SAMD5: variants seen among roughly 807,000 people sequenced by gnomAD.
The protein encoded by SAMD5 is sterile alpha motif domain-containing protein 5.
Under a neutral mutation model 11.3 loss-of-function variants are expected in SAMD5, and 13 were observed. The observed-to-expected ratio is 1.15, with a 90% CI of 0.75 to 1.83. The LOEUF (loss-of-function observed/expected upper bound fraction) is 1.83, where lower values mean the gene tolerates loss of function less well. Among genes scored for constraint, SAMD5 ranks in the 40% most tolerant of loss-of-function variants. The pLI, the probability that SAMD5 is intolerant of heterozygous loss-of-function variation, is 0.00. For missense variants in SAMD5, 255 were observed against 239.1 expected, an observed-to-expected ratio of 1.07 and a Z score of -0.44; for synonymous variants, 129 against 111.3, an observed-to-expected ratio of 1.16 and a Z score of -1.00.
intron 1 of SAMD5, among the ~76,000 whole-genome samples, chr6:147,631,175 G>A (rs543137197): frequency 6.6e-6 from 1 of 152,300 alleles, no homozygotes; most frequent in Non-Finnish European, 1.5e-5. Context: ...TTGTTAGAAG[G>A]AGAATTTGTC....
chr6:147,800,585 G>A, the SAMD5 span, among the ~76,000 whole-genome samples: 1 of 152,344 alleles, frequency 6.6e-6, no homozygotes, highest in Non-Finnish European at 1.5e-5. Context: ...CTTGAGCTGT[G>A]GTGGGCTCCA....
chr6:147,717,361 A>T (rs967457798), intron 1 of SAMD5, among the ~76,000 whole-genome samples: 2 of 152,226 alleles, frequency 1.3e-5, no homozygotes, highest in Non-Finnish European at 2.9e-5. Flanking sequence ...CTAGTTGGAC[A>T]GTTCTGATTT....
intron 1 of SAMD5, among the ~76,000 whole-genome samples, chr6:147,705,728 A>G (rs10080373): frequency 0.082 from 12,524 of 152,252 alleles, 553 homozygotes; most frequent in Middle Eastern, 0.13. Context: ...TGAATTGCCT[A>G]GGTTTTGACA....
the SAMD5 span, among the ~76,000 whole-genome samples, chr6:147,888,338 C>T: frequency 4.3e-4 from 65 of 151,858 alleles, no homozygotes; most frequent in African/African-American, 1.5e-3. Flanking sequence ...GGAGTGCAGG[C>T]CTGATAGTGA....
chr6:147,664,254 C>CT (rs1354353868), intron 1 of SAMD5, among the ~76,000 whole-genome samples: 3 of 152,102 alleles, frequency 2.0e-5, no homozygotes, highest in Non-Finnish European at 4.4e-5. Context: ...CTTTCAGAGA[C>CT]TAAAAAATCT....
the SAMD5 span, among the ~76,000 whole-genome samples, chr6:147,852,423 T>C: frequency 2.0e-5 from 3 of 152,264 alleles, no homozygotes; most frequent in East Asian, 5.8e-4. Context: ...TTACGTGGTA[T>C]TTCCTGAGTA....
rs901444805 is a variant in SAMD5, at chr6:147,634,831, A to G, written c.163-102486A>G. Among the ~76,000 whole-genome samples, 4 of 152,314 alleles carry G rather than the reference A, an allele frequency of 2.6e-5. No individual in the cohort carries two copies. In the South Asian group the frequency reaches 6.2e-4, roughly 24 times the overall value. On this transcript the variant is annotated intron_variant, in intron 1 of 1. Transcript: ENST00000566741. ...GGCTTTGACAGAGTGAAGGTTGTTT[A>G]GGGAAGAGAGGAATGGGAAAGTGAG...
the SAMD5 span, among the ~76,000 whole-genome samples, chr6:147,867,410 C>T: frequency 2.7e-5 from 4 of 150,288 alleles, no homozygotes; most frequent in East Asian, 3.9e-4. Flanking sequence ...TCCTGTGAAA[C>T]CTTGGTGGAA....
At chr6:147,895,783 G>A in the SAMD5 span, among the ~76,000 whole-genome samples, 1 of 152,174 alleles carries the variant, frequency 6.6e-6, no homozygotes, top group African/African-American at 2.4e-5. Flanking sequence ...TGGCCTATAA[G>A]ATCCCTACAG....
chr6:147,773,677 A>G, the SAMD5 span, among the ~76,000 whole-genome samples: 1 of 152,136 alleles, frequency 6.6e-6, no homozygotes, highest in Admixed American at 6.6e-5. Flanking sequence ...AATCCCATTT[A>G]GGAAATCTCC....
At chr6:147,859,127 T>G in the SAMD5 span, among the ~76,000 whole-genome samples, 534 of 152,256 alleles carry the variant, frequency 3.5e-3, 4 homozygotes, top group African/African-American at 0.012. Context: ...AAAGCAATGT[T>G]TACTACCCTC....
At chr6:147,554,994 A>G (rs1040203404) in intron 1 of SAMD5, among the ~76,000 whole-genome samples, 2 of 152,222 alleles carry the variant, frequency 1.3e-5, no homozygotes, top group African/African-American at 4.8e-5. Context: ...CACAAAAGCA[A>G]CAGTGGATAA....
At chr6:147,919,505 T>C in the SAMD5 span, among the ~76,000 whole-genome samples, 1 of 152,222 alleles carries the variant, frequency 6.6e-6, no homozygotes, top group Admixed American at 6.5e-5. Context: ...GAATGAGATT[T>C]ATGACCCTGA....
chr6:147,685,047 G>A (rs562400536), intron 1 of SAMD5, among the ~76,000 whole-genome samples: 27 of 152,282 alleles, frequency 1.8e-4, no homozygotes, highest in African/African-American at 5.3e-4. Flanking sequence ...CCTTCTCATT[G>A]TGTAACTTAT....
At chr6:147,620,201 T>C (rs938893716) in intron 1 of SAMD5, among the ~76,000 whole-genome samples, 3 of 151,998 alleles carry the variant, frequency 2.0e-5, no homozygotes, top group Non-Finnish European at 2.9e-5. Flanking sequence ...CACCACCCAC[T>C]CTCCACGCCA....
the SAMD5 span, among the ~76,000 whole-genome samples, chr6:147,749,961 T>A: frequency 6.6e-6 from 1 of 152,336 alleles, no homozygotes; most frequent in Non-Finnish European, 1.5e-5. Flanking sequence ...AGACTTTTGA[T>A]AAATTATTTC....
the SAMD5 span, among the ~76,000 whole-genome samples, chr6:147,888,653 C>G: frequency 6.6e-6 from 1 of 152,030 alleles, no homozygotes; most frequent in African/African-American, 2.4e-5. Flanking sequence ...GAGGCTGAGG[C>G]AGATGTATCA....
At chr6:147,919,495 G>A in the SAMD5 span, among the ~76,000 whole-genome samples, 1 of 152,178 alleles carries the variant, frequency 6.6e-6, no homozygotes, top group African/African-American at 2.4e-5. Flanking sequence ...TGATCAAGGA[G>A]AATGAGATTT....
At chr6:147,721,604 T>C (rs1245074365) in intron 1 of SAMD5, among the ~76,000 whole-genome samples, 3 of 152,222 alleles carry the variant, frequency 2.0e-5, no homozygotes, top group Non-Finnish European at 4.4e-5. Flanking sequence ...TATTAGCCCT[T>C]TGTCAGATAA....
Sources: allele counts gnomAD v4.1 joint callset (sites outside exome capture counted in the v4.1 genomes callset), GRCh38; gene constraint gnomAD v4.1.1; transcripts MANE v1.5; gene names NCBI Gene and HGNC (gene_info 2026-07-23, HGNC 2026-07-21).